The following PNRC1 variants were observed in gnomAD, a reference collection of about 807,000 sequenced individuals.
PNRC1 encodes the protein proline rich nuclear receptor coactivator 1.
Under a neutral mutation model 20.2 loss-of-function variants are expected in PNRC1, and 6 were observed. The observed-to-expected ratio is 0.30, with a 90% CI of 0.16 to 0.59. The LOEUF is 0.59. Ranked by LOEUF, PNRC1 falls within the 20% of genes least tolerant of loss-of-function variation. PNRC1 has a pLI of 0.89. For missense variants in PNRC1, 488 were observed against 430.2 expected (o/e 1.13, Z -1.19); for synonymous variants, 202 against 186.9 (o/e 1.08, Z -0.66).
In PNRC1 at chr6:89,084,459, A is replaced by G. The variant is rs1004614197; in HGVS notation, c.*263A>G. 2 of 294,544 alleles carry G rather than the reference A, an allele frequency of 6.8e-6. No homozygotes were observed. Among genetic ancestry groups the G allele is most frequent in the African/African-American group, 4.4e-5 (2 of 45,300 alleles). 18.2% of individuals were successfully genotyped at this position (294,544 alleles called of 1,614,324 possible). A position where few individuals can be genotyped will look rare whatever the true frequency, so the allele number is the denominator to read the frequency against. On this transcript the variant is annotated 3_prime_UTR_variant, in exon 2 of 2. Coordinates refer to ENST00000336032, the MANE Select transcript of PNRC1 (RefSeq NM_006813.3). ...ATGTATTTTGCCCTGCCCACATTGC[A>G]GGTGTTTTGTATATATACAATGGAT...
chr6:89,081,689 A>G (rs1433360175), intron 1 of PNRC1: 3 of 294,862 alleles, frequency 1.0e-5, no homozygotes, highest in East Asian at 1.2e-4. Flanking sequence ...GCTGCGCCCC[A>G]GCAACAGCCC....
chr6:89,080,944 G>T lies in PNRC1; in HGVS notation c.50G>T (p.Arg17Leu). 2 of 1,613,056 alleles carry T rather than the reference G, an allele frequency of 1.2e-6. No individual in the cohort carries two copies. Among genetic ancestry groups the T allele is most frequent in the Middle Eastern group, 1.6e-4 (1 of 6,062 alleles). The change falls in exon 1 of 2, where the codon CGC becomes CTC. Residue 17 changes from arginine to leucine, a missense_variant. Physicochemically the swap from Arg to Leu is moderately radical, Grantham distance 102 (BLOSUM62 -2). Coordinates refer to ENST00000336032, the MANE Select transcript of PNRC1 (RefSeq NM_006813.3). ...CGGGAGCCGCTCGTCCTGGGTGGCCGCCTTGCGCCGCTTGGCTTTTCCTCC... is the reference window on the plus strand; with the variant it reads ...CGGGAGCCGCTCGTCCTGGGTGGCCTCCTTGCGCCGCTTGGCTTTTCCTCC... ...PQREPLVLGGRLAPLGFSSRG... is the reference protein window; with the variant it reads ...PQREPLVLGGLLAPLGFSSRG...
Position 89,080,765 on chromosome 6 carries a change from ACCGC to A in PNRC1, c.-126_-123del. 1 of 868,544 alleles carries A rather than the reference ACCGC, an allele frequency of 1.2e-6. No individual in the cohort carries two copies. Among genetic ancestry groups the A allele is most frequent in the East Asian group, 2.6e-5 (1 of 38,078 alleles). The allele number at this position is 868,544 out of a possible 1,614,324, so 53.8% of individuals were successfully genotyped here. On this transcript the variant is annotated 5_prime_UTR_variant, in exon 1 of 2. Transcript: ENST00000336032. ...TGTGGCTATTTGTTGCTGCGCCGCC[ACCGC>A]CCGAGTCATGTTCCGCGATCTTCTC...
Position 89,080,987 on chromosome 6 carries a change from C to T in PNRC1, c.93C>T (p.Ala31=). Residue 31 remains alanine, a synonymous_variant, in exon 1 of 2, where the codon GCC becomes GCT. Coordinates refer to ENST00000336032, the MANE Select transcript of PNRC1 (RefSeq NM_006813.3). ...LGFSSRGYFG[A]LPMVTTAPPP... is the part of the protein sequence containing the mutation. ...TTTCCTCCCGAGGTTACTTTGGGGC[C>T]CTCCCGATGGTGACCACGGCTCCGC... is the stretch of plus-strand genomic sequence containing the variant. 1 of 1,613,174 alleles carries T rather than the reference C, an allele frequency of 6.2e-7. No individual in the cohort carries two copies. The highest frequency in any genetic ancestry group is 8.5e-7 in the Non-Finnish European group (1 of 1,179,924).
chr6:89,082,972 C>T (rs1369256151), intron 1 of PNRC1, among the ~76,000 whole-genome samples: 1 of 151,426 alleles, frequency 6.6e-6, no homozygotes, highest in Admixed American at 6.6e-5. Flanking sequence ...CAAGAGTGAA[C>T]TTAAAAGTCA....
chr6:89,082,600 T>C (rs1768027011), intron 1 of PNRC1: 1 of 152,252 alleles, frequency 6.6e-6, no homozygotes, highest in Non-Finnish European at 1.5e-5. Context: ...TGGAAAGTTG[T>C]GGTCCTCTTT....
Position 89,080,986 on chromosome 6 carries a change from C to T in PNRC1, c.92C>T (p.Ala31Val). Residue 31 changes from alanine (A) to valine (V), a missense_variant, in exon 1 of 2, where the codon GCC becomes GTC. Transcript: ENST00000336032. ...LGFSSRGYFG[A>V]LPMVTTAPPP... ...TTTTCCTCCCGAGGTTACTTTGGGG[C>T]CCTCCCGATGGTGACCACGGCTCCG... 3 of 1,613,036 alleles carry T rather than the reference C, an allele frequency of 1.9e-6. No individual in the cohort carries two copies. Among genetic ancestry groups the T allele is most frequent in the Non-Finnish European group, 2.5e-6 (3 of 1,179,866 alleles).
Position 89,084,218 on chromosome 6 carries a change from G to A in PNRC1, c.*22G>A. ...TTAGATTTCAGATTTCAGTATGTGTGTAAAACATAATTTTTCCCATATCCC... is the reference window on the plus strand; with the variant it reads ...TTAGATTTCAGATTTCAGTATGTGTATAAAACATAATTTTTCCCATATCCC... On this transcript the variant is annotated 3_prime_UTR_variant, in exon 2 of 2. Coordinates refer to ENST00000336032, the MANE Select transcript of PNRC1 (RefSeq NM_006813.3). 1 of 1,508,956 alleles carries A rather than the reference G, an allele frequency of 6.6e-7. No homozygotes were observed. The highest frequency in any genetic ancestry group is 9.0e-7 in the Non-Finnish European group (1 of 1,117,156). 93.5% of individuals were successfully genotyped at this position (1,508,956 alleles called of 1,614,324 possible).
intron 1 of PNRC1, chr6:89,081,696 G>A (rs1410717580): frequency 7.0e-6 from 2 of 284,648 alleles, no homozygotes; most frequent in Admixed American, 1.0e-4. Context: ...CCCAGCAACA[G>A]CCCCGATTTA....
At chr6:89,083,450 A>AC (rs1180585626) in intron 1 of PNRC1, among the ~76,000 whole-genome samples, 1 of 150,654 alleles carries the variant, frequency 6.6e-6, no homozygotes, top group African/African-American at 2.4e-5. Flanking sequence ...CTCTCTCTCA[A>AC]CCCCCCTTCT....
In PNRC1 at chr6:89,084,020, C is replaced by G; in HGVS notation, c.808C>G (p.Leu270Val). The G allele has an allele frequency of 6.2e-7, 1 of 1,614,062 alleles. No individual in the cohort carries two copies. The highest frequency in any genetic ancestry group is 8.5e-7 in the Non-Finnish European group (1 of 1,179,992). ...TTCGCATTTGAAGAAATCAGCATTTCTAACTGAAGTGAGCCAAAAGGAAAA... is the reference window on the plus strand; with the variant it reads ...TTCGCATTTGAAGAAATCAGCATTTGTAACTGAAGTGAGCCAAAAGGAAAA... ...KNSHLKKSAF[L>V]TEVSQKENYA... The change falls in exon 2 of 2, where the codon CTA (leucine) becomes GTA (valine). Residue 270 changes from leucine to valine, a missense_variant. Transcript: ENST00000336032.
In PNRC1 at chr6:89,080,825, C is replaced by T. The variant is rs1767961175; in HGVS notation, c.-70C>T. 6.9e-7 allele frequency: 1 copy of T among 1,450,948 alleles called. No homozygotes were observed. Among genetic ancestry groups the T allele is most frequent in the Non-Finnish European group, 9.3e-7 (1 of 1,070,616 alleles). The allele number at this position is 1,450,948 out of a possible 1,614,324, so 89.9% of individuals were successfully genotyped here. On this transcript the variant is annotated 5_prime_UTR_variant, in exon 1 of 2. Transcript: ENST00000336032. ...CTCCTAGCAGCATCCATCGCCGCCA[C>T]CCTATCTTCACTGGCTTCATTCACC... is the stretch of plus-strand genomic sequence containing the variant.
intron 1 of PNRC1, among the ~76,000 whole-genome samples, chr6:89,083,535 G>A (rs1048870718): frequency 6.6e-6 from 1 of 151,792 alleles, no homozygotes; most frequent in Non-Finnish European, 1.5e-5. Flanking sequence ...AAATTCACTT[G>A]TAAGTGAGAA....
rs2127985237 is a variant in PNRC1, at chr6:89,080,845, TTCAC to T, written c.-49_-46del. On this transcript the variant is annotated 5_prime_UTR_variant, in exon 1 of 2. Transcript: ENST00000336032. The stretch of plus-strand genomic sequence containing the variant: ...CGCCACCCTATCTTCACTGGCTTCA[TTCAC>T]CTTCTCCTTCTCTCTTCGTTGCTGA... The T allele has an allele frequency of 8.1e-7, 1 of 1,234,352 alleles. No individual in the cohort carries two copies. Among genetic ancestry groups the T allele is most frequent in the East Asian group, 2.6e-5 (1 of 37,884 alleles). 76.5% of individuals were successfully genotyped at this position (1,234,352 alleles called of 1,614,324 possible).
chr6:89,081,139 G>C lies in PNRC1; in HGVS notation c.245G>C (p.Ser82Thr), dbSNP rs753380069. Reference protein sequence around the residue: ...PRAPAALPNRSLAVAGGTPRA... With the variant: ...PRAPAALPNRTLAVAGGTPRA... The stretch of plus-strand genomic sequence containing the variant: ...GCTCCAGCAGCTCTGCCCAACCGCA[G>C]CCTCGCCGTGGCGGGAGGCACTCCT... The change falls in exon 1 of 2, where the codon AGC (serine) becomes ACC (threonine). Residue 82 changes from serine (S) to threonine (T), a missense_variant. Coordinates refer to ENST00000336032, the MANE Select transcript of PNRC1 (RefSeq NM_006813.3). 1 of 1,605,194 alleles carries C rather than the reference G, an allele frequency of 6.2e-7. No homozygotes were observed. The highest frequency in any genetic ancestry group is 1.1e-5 in the South Asian group (1 of 90,848).
At position 89,083,734 on chromosome 6, in the gene PNRC1, T is replaced by A; in HGVS notation, c.541-19T>A. 1 of 1,536,404 alleles carries A rather than the reference T, an allele frequency of 6.5e-7. No individual in the cohort carries two copies. The highest frequency in any genetic ancestry group is 8.8e-7 in the Non-Finnish European group (1 of 1,136,852). ...TTTATCTAGAAACTATATTTACTTT[T>A]GTGTTCTTGTCTTTGTAGGTTTTAA... On this transcript the variant is annotated intron_variant, in intron 1 of 1. Coordinates refer to ENST00000336032, the MANE Select transcript of PNRC1 (RefSeq NM_006813.3).
rs1767958784 is a variant in PNRC1 at position 89,080,763 on chromosome 6, CCACCGCCCGA to C, written c.-131_-122del. 1.2e-6 allele frequency: 1 copy of C among 850,242 alleles called. No homozygotes were observed. The highest frequency in any genetic ancestry group is 1.9e-6 in the Non-Finnish European group (1 of 535,302). The allele number at this position is 850,242 out of a possible 1,614,324, so 52.7% of individuals were successfully genotyped here. A position where few individuals can be genotyped will look rare whatever the true frequency, so the allele number is the denominator to read the frequency against. On this transcript the variant is annotated 5_prime_UTR_variant, in exon 1 of 2. Coordinates refer to ENST00000336032, the MANE Select transcript of PNRC1 (RefSeq NM_006813.3). ...GCTGTGGCTATTTGTTGCTGCGCCG[CCACCGCCCGA>C]GTCATGTTCCGCGATCTTCTCAGGC...
intron 1 of PNRC1, 80 bp downstream of exon 1, chr6:89,081,514 C>T (rs1767993441): frequency 1.6e-4 from 2 of 12,530 alleles, no homozygotes; most frequent in Middle Eastern, 0.021. Flanking sequence ...ACCCTGCACC[C>T]GGGGGGTCGG....
intron 1 of PNRC1, 43 bp downstream of exon 1, chr6:89,081,477 G>T (rs1412124052): frequency 1.7e-6 from 2 of 1,205,294 alleles, no homozygotes; most frequent in Non-Finnish European, 2.1e-6. Context: ...GCCCTTAGAC[G>T]GTCGCGGCCG....
Sources: allele counts gnomAD v4.1 joint callset (sites outside exome capture counted in the v4.1 genomes callset), GRCh38; gene constraint gnomAD v4.1.1; transcripts MANE v1.5; gene names NCBI Gene and HGNC (gene_info 2026-07-23, HGNC 2026-07-21).